The following DRC4 variants were observed in gnomAD, a reference collection of about 807,000 sequenced individuals.
DRC4 encodes the protein dynein regulatory complex subunit 4.
the DRC4 span, chr16:90,044,250 G>T: frequency 2.2e-6 from 1 of 451,630 alleles, no homozygotes; most frequent in South Asian, 1.6e-5. Context: ...ACAAAGAGGG[G>T]ATGAATCACC....
At chr16:90,041,763 C>T in the DRC4 span, among the ~76,000 whole-genome samples, 3 of 152,020 alleles carry the variant, frequency 2.0e-5, no homozygotes, top group Non-Finnish European at 2.9e-5. Context: ...CGCGCCACTG[C>T]ACTCCAGCCT....
At chr16:90,040,076 G>A in the DRC4 span, 1 of 585,970 alleles carries the variant, frequency 1.7e-6, no homozygotes, top group Non-Finnish European at 3.1e-6. Context: ...CTGAGAGAAG[G>A]GCTTATGCTG....
chr16:90,031,243 G>A, the DRC4 span: 9 of 1,605,922 alleles, frequency 5.6e-6, no homozygotes, highest in African/African-American at 2.7e-5. Context: ...CACACGCCCC[G>A]TTGCCGTGCA....
At chr16:90,044,559 G>T in the DRC4 span, 4 of 471,096 alleles carry the variant, frequency 8.5e-6, no homozygotes, top group Admixed American at 2.3e-5. Flanking sequence ...CCTCAGTGTC[G>T]AAGGTGAGCT....
the DRC4 span, chr16:90,035,585 T>A: frequency 2.5e-6 from 4 of 1,612,776 alleles, no homozygotes; most frequent in Non-Finnish European, 3.4e-6. Context: ...GGGAGCGGGC[T>A]TCCCTCTGTG....
At chr16:90,037,961 C>T in the DRC4 span, 2 of 932,576 alleles carry the variant, frequency 2.1e-6, no homozygotes, top group Non-Finnish European at 3.5e-6. Flanking sequence ...GATGGCACCC[C>T]TGCTAGCCAG....
the DRC4 span, chr16:90,040,459 G>A: frequency 6.2e-7 from 1 of 1,610,508 alleles, no homozygotes. Context: ...GGTCCTGGCT[G>A]CCTCTAACCT....
the DRC4 span, chr16:90,040,473 C>A: frequency 6.2e-7 from 1 of 1,608,084 alleles, no homozygotes. Context: ...CTAACCTGGA[C>A]CCTGCAGCCC....
the DRC4 span, among the ~76,000 whole-genome samples, chr16:90,025,379 C>T: frequency 3.0e-3 from 455 of 151,032 alleles, no homozygotes; most frequent in African/African-American, 0.01. Flanking sequence ...GGGCCAGTCG[C>T]GGTGGCTCAC....
At chr16:90,036,364 T>C in the DRC4 span, 1 of 1,589,596 alleles carries the variant, frequency 6.3e-7, no homozygotes, top group Non-Finnish European at 8.6e-7. Flanking sequence ...AAGCTGCTGT[T>C]TGCTGCTGCC....
chr16:90,029,255 A>G, the DRC4 span: 2 of 1,341,002 alleles, frequency 1.5e-6, no homozygotes, highest in Non-Finnish European at 2.0e-6. Flanking sequence ...TGAGCCACAG[A>G]CTCAGAAGGC....
the DRC4 span, chr16:90,036,341 G>T: frequency 6.5e-7 from 1 of 1,545,426 alleles, no homozygotes; most frequent in Non-Finnish European, 8.8e-7. Context: ...GGGGCACCAC[G>T]TCTTCCTCTG....
At chr16:90,043,562 G>C in the DRC4 span, 6 of 594,914 alleles carry the variant, frequency 1.0e-5, no homozygotes, top group Non-Finnish European at 1.8e-5. Context: ...CCTGGGTGCC[G>C]CACGTCCAGC....
chr16:90,042,124 C>A, the DRC4 span, among the ~76,000 whole-genome samples: 3 of 152,062 alleles, frequency 2.0e-5, no homozygotes, highest in South Asian at 6.2e-4. Flanking sequence ...ATAGTAGAGA[C>A]GGGGTTTCGC....
chr16:90,043,166 C>T, the DRC4 span: 1 of 1,589,018 alleles, frequency 6.3e-7, no homozygotes, highest in Non-Finnish European at 8.6e-7. Flanking sequence ...TGGGGACCCT[C>T]AGCTCCCTGA....
At chr16:90,034,087 GA>G in the DRC4 span, among the ~76,000 whole-genome samples, 1 of 152,140 alleles carries the variant, frequency 6.6e-6, no homozygotes, top group African/African-American at 2.4e-5. Context: ...AACTTGGGCA[GA>G]GGAGAGATGT....
At chr16:90,031,040 C>A in the DRC4 span, 1 of 684,854 alleles carries the variant, frequency 1.5e-6, no homozygotes, top group Non-Finnish European at 2.3e-6. Context: ...ATTTTTTAGG[C>A]ATCAATTCTC....
At chr16:90,043,162 C>T in the DRC4 span, 3 of 1,585,452 alleles carry the variant, frequency 1.9e-6, no homozygotes, top group Non-Finnish European at 2.6e-6. Flanking sequence ...AGCGTGGGGA[C>T]CCTCAGCTCC....
chr16:90,044,274 C>G, the DRC4 span: 9 of 440,758 alleles, frequency 2.0e-5, no homozygotes, highest in Non-Finnish European at 4.1e-5. Context: ...GGCCCAGCCT[C>G]CCCACAAAGC....
Sources: gnomAD v4.1 joint callset for allele counts (sites outside exome capture counted in the v4.1 genomes callset) on GRCh38, gnomAD v4.1.1 for gene constraint, MANE v1.5 for transcripts, NCBI Gene and HGNC (gene_info 2026-07-23, HGNC 2026-07-21) for gene names.